Variants in NRXN3 observed in about 807,000 individuals in gnomAD.
NRXN3 encodes the protein neurexin III.
Under a neutral mutation model 137.6 loss-of-function variants are expected in NRXN3, and 32 were observed. The observed-to-expected ratio is 0.23, with a 90% CI of 0.18 to 0.31. The LOEUF (loss-of-function observed/expected upper bound fraction) is 0.31. Ranked by LOEUF, NRXN3 falls within the 10% of genes least tolerant of loss-of-function variation. NRXN3 has a pLI of 1.00. For missense variants in NRXN3, 1,574 were observed against 2,062.5 expected (o/e 0.76, Z 4.59); for synonymous variants, 798 against 784.5 (o/e 1.02, Z -0.29).
intron 15 of NRXN3, among the ~76,000 whole-genome samples, chr14:79,060,114 T>G (rs1031128478): frequency 3.3e-5 from 5 of 152,214 alleles, no homozygotes; most frequent in African/African-American, 1.2e-4. Flanking sequence ...TGGAACCAGG[T>G]AGTCTGAAAT....
intron 4 of NRXN3, among the ~76,000 whole-genome samples, chr14:78,370,602 A>T (rs1015173217): frequency 2.6e-5 from 4 of 152,224 alleles, no homozygotes; most frequent in African/African-American, 7.2e-5. Context: ...CTCTTGACTG[A>T]ATGAATACAT....
At chr14:79,450,820 C>A (rs572232463) in intron 15 of NRXN3, among the ~76,000 whole-genome samples, 1 of 151,330 alleles carries the variant, frequency 6.6e-6, no homozygotes, top group Non-Finnish European at 1.5e-5. Context: ...GGGCCGGGCT[C>A]ACGCCACTGC....
rs770925994 is a variant in NRXN3 at position 78,715,075 on chromosome 14, C to T, written c.1980C>T (p.Asp660=). 3.1e-6 allele frequency: 5 copies of T among 1,613,188 alleles called. No individual in the cohort carries two copies. The highest frequency in any genetic ancestry group is 4.5e-5 in the East Asian group (2 of 44,888). ...GCAAGAATAATGCTGTGTGCAAGGACGGCTGGAACCGCTTCATCTGCGACT... is the reference window on the plus strand; with the variant it reads ...GCAAGAATAATGCTGTGTGCAAGGATGGCTGGAACCGCTTCATCTGCGACT... ...YPCKNNAVCK[D]GWNRFICDCT... Residue 660 remains aspartate, a synonymous_variant, in exon 8 of 21, where the codon GAC becomes GAT. Coordinates refer to ENST00000335750, the MANE Select transcript of NRXN3 (RefSeq NM_001330195.2).
intron 19 of NRXN3, among the ~76,000 whole-genome samples, chr14:79,770,986 A>C (rs1181467412): frequency 6.6e-6 from 1 of 152,226 alleles, no homozygotes; most frequent in Non-Finnish European, 1.5e-5. Flanking sequence ...ATCAGAGAAT[A>C]CTACAAACAC....
chr14:78,716,813 AAG>A (rs2098436271), intron 8 of NRXN3, among the ~76,000 whole-genome samples: 1 of 152,228 alleles, frequency 6.6e-6, no homozygotes, highest in South Asian at 2.1e-4. Context: ...AAAGGAAGAA[AAG>A]AGAGCTTTCT....
intron 8 of NRXN3, among the ~76,000 whole-genome samples, chr14:78,752,231 A>G (rs1188035092): frequency 6.6e-6 from 1 of 152,090 alleles, no homozygotes; most frequent in Non-Finnish European, 1.5e-5. Context: ...ACAGGGTGAA[A>G]CCCTGTTTGG....
intron 10 of NRXN3, among the ~76,000 whole-genome samples, chr14:78,838,141 T>A (rs2099002138): frequency 6.6e-6 from 1 of 152,184 alleles, no homozygotes; most frequent in South Asian, 2.1e-4. Context: ...TATACTGAAC[T>A]TTTTACAACC....
chr14:78,624,054 G>A (rs976004285), intron 4 of NRXN3, among the ~76,000 whole-genome samples: 1 of 152,192 alleles, frequency 6.6e-6, no homozygotes, highest in African/African-American at 2.4e-5. Context: ...TGATTAGCGT[G>A]CCCTTTCAGC....
At chr14:79,145,238 T>C (rs1406256779) in intron 15 of NRXN3, among the ~76,000 whole-genome samples, 2 of 152,208 alleles carry the variant, frequency 1.3e-5, no homozygotes, top group Admixed American at 1.3e-4. Flanking sequence ...AGGTAAAGTA[T>C]ATAACTGAAA....
In NRXN3 at chr14:79,787,022, T is replaced by C. The variant is rs148437221; in HGVS notation, c.4015-18090T>C. Among the ~76,000 whole-genome samples, 1,084 of 152,310 alleles carry C rather than the reference T, an allele frequency of 7.1e-3. 13 individuals are homozygous for C. Among genetic ancestry groups the C allele is most frequent in the African/African-American group, 0.024 (988 of 41,564 alleles). ...GGAGAAGCAAAACCCCAAATCTCCA[T>C]TTTGGCACTTTGCAAGAAATTGGTC... On this transcript the variant is annotated intron_variant, in intron 19 of 20. Coordinates refer to ENST00000335750, the MANE Select transcript of NRXN3 (RefSeq NM_001330195.2).
At chr14:79,279,006 T>C (rs940034254) in intron 15 of NRXN3, among the ~76,000 whole-genome samples, 2 of 152,214 alleles carry the variant, frequency 1.3e-5, no homozygotes, top group Non-Finnish European at 2.9e-5. Context: ...CCGCCGCCCT[T>C]ACTTTTCCTC....
At chr14:78,866,781 G>T (rs2099087822) in intron 10 of NRXN3, among the ~76,000 whole-genome samples, 1 of 146,214 alleles carries the variant, frequency 6.8e-6, no homozygotes, top group Non-Finnish European at 1.5e-5. Flanking sequence ...TTGCATGCAT[G>T]TATTACCTTC....
intron 15 of NRXN3, among the ~76,000 whole-genome samples, chr14:79,127,573 C>T (rs1373021580): frequency 2.0e-5 from 3 of 152,138 alleles, no homozygotes; most frequent in African/African-American, 7.2e-5. Context: ...GTTTTGGTTA[C>T]CTTAGGCTTG....
intron 15 of NRXN3, among the ~76,000 whole-genome samples, chr14:79,421,109 A>G (rs1182866723): frequency 6.6e-6 from 1 of 152,232 alleles, no homozygotes; most frequent in Non-Finnish European, 1.5e-5. Context: ...CCAGTTTCAT[A>G]AAAGAGGTAT....
At chr14:79,237,404 C>G (rs1243727754) in intron 15 of NRXN3, among the ~76,000 whole-genome samples, 1 of 152,054 alleles carries the variant, frequency 6.6e-6, no homozygotes, top group East Asian at 1.9e-4. Context: ...AAATTCAACA[C>G]AACCTGGAAA....
intron 19 of NRXN3, among the ~76,000 whole-genome samples, chr14:79,761,399 C>T (rs1247514188): frequency 2.0e-5 from 3 of 151,532 alleles, no homozygotes; most frequent in Non-Finnish European, 4.4e-5. Flanking sequence ...TTTTTCCAAA[C>T]ATCTGTTATA....
At chr14:78,352,474 T>G (rs1164987802) in intron 4 of NRXN3, among the ~76,000 whole-genome samples, 1 of 152,182 alleles carries the variant, frequency 6.6e-6, no homozygotes, top group Non-Finnish European at 1.5e-5. Context: ...CTTCTCCTAG[T>G]AACTCTAGAT....
At chr14:79,704,553 G>GTTTAT (rs1250273555) in intron 19 of NRXN3, among the ~76,000 whole-genome samples, 1 of 152,158 alleles carries the variant, frequency 6.6e-6, no homozygotes, top group Admixed American at 6.6e-5. Context: ...TCCGGGGGAA[G>GTTTAT]TTTATTTTTA....
intron 1 of NRXN3, among the ~76,000 whole-genome samples, chr14:78,192,103 T>TGAGA (rs1219317176): frequency 2.2e-5 from 3 of 137,590 alleles, no homozygotes; most frequent in African/African-American, 8.8e-5. Context: ...TGTGTGTGTG[T>TGAGA]GTGTGAGAGA....
Sources: gnomAD v4.1 joint callset for allele counts (sites outside exome capture counted in the v4.1 genomes callset) on GRCh38, gnomAD v4.1.1 for gene constraint, MANE v1.5 for transcripts, NCBI Gene and HGNC (gene_info 2026-07-23, HGNC 2026-07-21) for gene names.